The following CALN1 variants were observed in gnomAD, a reference collection of about 807,000 sequenced individuals.
The protein encoded by CALN1 is calneuron 1.
CALN1 carries 17 observed loss-of-function variants against 30.6 expected under a neutral mutation model. That is an observed-to-expected ratio of 0.56 (90% CI 0.38 to 0.83). CALN1 has a LOEUF of 0.83. Ranked by LOEUF, CALN1 falls within the 40% of genes least tolerant of loss-of-function variation. The pLI is 0.00. For synonymous variants in CALN1, 156 were observed against 131.4 expected (o/e 1.19, Z -1.28); for missense variants, 291 against 354.9 (o/e 0.82, Z 1.45).
Position 72,028,132 on chromosome 7 carries a change from G to A in CALN1, c.389-4363C>T, listed in dbSNP as rs148760087. 1.8e-3 allele frequency among the ~76,000 whole-genome samples: 266 copies of A among 149,178 alleles called. 2 individuals are homozygous for A. The Middle Eastern group carries it at 0.026, about 15-fold the overall frequency. On this transcript the variant is annotated intron_variant, in intron 4 of 6. Transcript: ENST00000395275. The stretch of plus-strand genomic sequence containing the variant: ...TATGCCCACCAGGCTGCTCCTGACC[G>A]TGATATAATGGGCACCATTCTCTCC...
At chr7:71,804,831 G>A (rs112446372) in intron 6 of CALN1, among the ~76,000 whole-genome samples, 6,459 of 152,128 alleles carry the variant, frequency 0.042, 438 homozygotes, top group African/African-American at 0.14. Flanking sequence ...ACGTGGTGGC[G>A]CATGCTTGTA....
intron 5 of CALN1, among the ~76,000 whole-genome samples, chr7:71,908,471 A>C (rs866105507): frequency 2.0e-5 from 3 of 152,208 alleles, no homozygotes; most frequent in Non-Finnish European, 2.9e-5. Flanking sequence ...AGCCTGGAGA[A>C]AGATCAAACC....
At chr7:71,868,473 G>T (rs1791725156) in intron 5 of CALN1, among the ~76,000 whole-genome samples, 1 of 151,300 alleles carries the variant, frequency 6.6e-6, no homozygotes, top group African/African-American at 2.4e-5. Context: ...CTGGGTTCAA[G>T]CAATTCTCCT....
chr7:72,301,210 T>C (rs1160975754), intron 2 of CALN1, among the ~76,000 whole-genome samples: 1 of 152,072 alleles, frequency 6.6e-6, no homozygotes, highest in Admixed American at 6.6e-5. Context: ...CAGTCAGCAG[T>C]TGCTAAGATC....
intron 3 of CALN1, among the ~76,000 whole-genome samples, chr7:72,166,689 A>G (rs1252878868): frequency 6.6e-6 from 1 of 152,256 alleles, no homozygotes; most frequent in Non-Finnish European, 1.5e-5. Context: ...TATACCAAGC[A>G]TTCTTCAAAG....
At chr7:72,045,248 T>C (rs1802394200) in intron 4 of CALN1, among the ~76,000 whole-genome samples, 1 of 152,166 alleles carries the variant, frequency 6.6e-6, no homozygotes, top group South Asian at 2.1e-4. Context: ...GGAAGAGTCG[T>C]GAACAGCATG....
intron 3 of CALN1, among the ~76,000 whole-genome samples, chr7:72,127,922 T>C (rs1392212853): frequency 6.6e-6 from 1 of 152,174 alleles, no homozygotes; most frequent in Admixed American, 6.6e-5. Context: ...ACTGATGTAT[T>C]TTATAAATGA....
intron 2 of CALN1, among the ~76,000 whole-genome samples, chr7:72,377,282 T>C (rs1804617947): frequency 6.6e-6 from 1 of 152,186 alleles, no homozygotes; most frequent in African/African-American, 2.4e-5. Context: ...CTCTTGTCTT[T>C]AGCTTTTTTT....
At chr7:72,055,393 A>C (rs376992685) in intron 4 of CALN1, among the ~76,000 whole-genome samples, 1 of 152,206 alleles carries the variant, frequency 6.6e-6, no homozygotes, top group Non-Finnish European at 1.5e-5. Flanking sequence ...AGAAATTAAA[A>C]CTTAGAAAAG....
intron 1 of CALN1, 75 bp from the exon 2 acceptor site, chr7:72,403,517 T>G (rs762742738): frequency 8.8e-6 from 5 of 566,142 alleles, no homozygotes; most frequent in Non-Finnish European, 1.5e-5. Context: ...GCCGCCTAAA[T>G]AATTCACACC....
intron 2 of CALN1, among the ~76,000 whole-genome samples, chr7:72,299,384 A>G (rs1268220049): frequency 6.6e-6 from 1 of 152,232 alleles, no homozygotes; most frequent in African/African-American, 2.4e-5. Flanking sequence ...ATTTAAGAGG[A>G]GAAAAACTAA....
At chr7:72,112,862 C>G (rs528773528) in intron 3 of CALN1, among the ~76,000 whole-genome samples, 1 of 152,152 alleles carries the variant, frequency 6.6e-6, no homozygotes, top group Non-Finnish European at 1.5e-5. Flanking sequence ...CAAGTATACA[C>G]AAAATCCCAC....
At chr7:72,449,755 G>A (rs993434665), upstream of CALN1, among the ~76,000 whole-genome samples, 29 of 151,624 alleles carry the variant, frequency 1.9e-4, no homozygotes, top group African/African-American at 6.1e-4. Flanking sequence ...GGCGCCTGTA[G>A]TCCCAGCTAC....
At chr7:72,328,922 C>A (rs906691782) in intron 2 of CALN1, among the ~76,000 whole-genome samples, 1 of 152,256 alleles carries the variant, frequency 6.6e-6, no homozygotes, top group African/African-American at 2.4e-5. Context: ...GTCTTGAACT[C>A]CTGACCTCAG....
At chr7:72,318,998 A>G (rs1451922862) in intron 2 of CALN1, among the ~76,000 whole-genome samples, 1 of 152,134 alleles carries the variant, frequency 6.6e-6, no homozygotes, top group East Asian at 1.9e-4. Context: ...AACTGAAAAG[A>G]GAACTACATT....
chr7:72,205,572 A>ACACACATATATATATATACGTG (rs1175461623), intron 3 of CALN1, among the ~76,000 whole-genome samples: 2 of 126,688 alleles, frequency 1.6e-5, no homozygotes, highest in African/African-American at 6.5e-5. Context: ...ATATATGTAT[A>ACACACATATATATATATACGTG]TATATATATA....
intron 2 of CALN1, among the ~76,000 whole-genome samples, chr7:72,361,329 T>C (rs946653954): frequency 6.6e-6 from 1 of 151,886 alleles, no homozygotes; most frequent in Admixed American, 6.6e-5. Context: ...CATTAATAAG[T>C]AAAATTGATG....
chr7:72,060,238 GA>G (rs1181208439), intron 4 of CALN1, among the ~76,000 whole-genome samples: 6 of 152,270 alleles, frequency 3.9e-5, no homozygotes, highest in African/African-American at 1.4e-4. Flanking sequence ...CTCTGAAGGA[GA>G]ACCTTTCCTT....
intron 4 of CALN1, among the ~76,000 whole-genome samples, chr7:72,099,273 C>CTTT (rs386359911): frequency 2.4e-5 from 3 of 125,346 alleles, no homozygotes; most frequent in African/African-American, 6.2e-5. Context: ...CCAAACACTC[C>CTTT]TTTTTTTTTT....
Sources: allele counts gnomAD v4.1 joint callset (sites outside exome capture counted in the v4.1 genomes callset), GRCh38; gene constraint gnomAD v4.1.1; transcripts MANE v1.5; gene names NCBI Gene and HGNC (gene_info 2026-07-23, HGNC 2026-07-21).